Variants in ACBD5 observed in about 807,000 individuals in gnomAD.
ACBD5 encodes the protein acyl-CoA-binding domain-containing protein 5.
In ACBD5, 40 loss-of-function variants were observed where a neutral mutation model predicts 71.8. The observed-to-expected ratio is 0.56, with a 90% CI of 0.43 to 0.72. The LOEUF (loss-of-function observed/expected upper bound fraction) is 0.72, where lower values mean the gene tolerates loss of function less well. Among genes scored for constraint, ACBD5 ranks in the 30% least tolerant of loss-of-function variants. The pLI is 0.00. For synonymous variants in ACBD5, 229 were observed against 218.6 expected (o/e 1.05, Z -0.42); for missense variants, 559 against 644.5 (o/e 0.87, Z 1.44).
intron 4 of ACBD5, among the ~76,000 whole-genome samples, chr10:27,230,955 C>T (rs1339500456): frequency 6.6e-6 from 1 of 152,134 alleles, no homozygotes; most frequent in African/African-American, 2.4e-5. Flanking sequence ...ACTTCCTTAT[C>T]TTATTCTGCT....
intron 10 of ACBD5, 145 bp from the exon 11 acceptor site, chr10:27,205,393 G>A (rs1317234155): frequency 4.0e-6 from 3 of 746,652 alleles, no homozygotes; most frequent in South Asian, 1.5e-5. Context: ...CAGTTGGAAC[G>A]TAGAAATATT....
intron 7 of ACBD5, among the ~76,000 whole-genome samples, chr10:27,216,341 A>G (rs1262369212): frequency 1.3e-5 from 2 of 152,146 alleles, no homozygotes; most frequent in African/African-American, 4.8e-5. Flanking sequence ...GGGTTTCACC[A>G]TGTTGGCCAG....
chr10:27,234,749 T>C (rs921708079), intron 3 of ACBD5, among the ~76,000 whole-genome samples: 11 of 152,200 alleles, frequency 7.2e-5, no homozygotes, highest in Non-Finnish European at 1.2e-4. Flanking sequence ...GTGGCCAACA[T>C]AGTGAAACCC....
At position 27,223,364 on chromosome 10, in the gene ACBD5, C is replaced by T. The variant is rs150601599; in HGVS notation, c.464G>A (p.Ser155Asn). ...TGAGGTTATATCAGAACTCCTGCCA[C>T]TCTTTTTGTCCTCGACAATTTCATA... The part of the protein sequence containing the change: ...PFYEIVEDKK[S>N]GRSSDITSDL... Residue 155 changes from serine to asparagine, a missense_variant, in exon 5 of 13, where the codon AGT becomes AAT. Coordinates refer to ENST00000396271, the MANE Select transcript of ACBD5 (RefSeq NM_145698.5). 8.1e-6 allele frequency: 13 copies of T among 1,613,768 alleles called. No individual in the cohort carries two copies. The highest frequency in any genetic ancestry group is 8.5e-7 in the Non-Finnish European group (1 of 1,179,932).
rs764383930 is a variant in ACBD5 at position 27,195,842 on chromosome 10, C to A, written c.*1588G>T. 30 of 445,892 alleles carry A rather than the reference C, an allele frequency of 6.7e-5. No homozygotes were observed. Among genetic ancestry groups the A allele is most frequent in the South Asian group, 4.3e-4 (27 of 62,458 alleles). 27.6% of individuals were successfully genotyped at this position (445,892 alleles called of 1,614,324 possible). ...TCTGTATACTAAAGACAGATTATTT[C>A]TTATTTAAAACACTGTGAACATATG... On this transcript the variant is annotated 3_prime_UTR_variant, in exon 13 of 13. Coordinates refer to ENST00000396271, the MANE Select transcript of ACBD5 (RefSeq NM_145698.5).
chr10:27,238,587 G>T (rs564776639), intron 2 of ACBD5, among the ~76,000 whole-genome samples: 21 of 151,802 alleles, frequency 1.4e-4, no homozygotes, highest in African/African-American at 4.8e-4. Flanking sequence ...TTATCTTTCA[G>T]TCCCCCATAT....
intron 4 of ACBD5, among the ~76,000 whole-genome samples, chr10:27,230,864 C>G (rs1029921045): frequency 1.3e-5 from 2 of 151,468 alleles, no homozygotes; most frequent in Admixed American, 6.6e-5. Flanking sequence ...ACTTGCTCCT[C>G]AAAAGAATGC....
At position 27,240,662 on chromosome 10, in the gene ACBD5, A is replaced by G; in HGVS notation, c.15+12T>C. On this transcript the variant is annotated intron_variant, in intron 1 of 12. Coordinates refer to ENST00000396271, the MANE Select transcript of ACBD5 (RefSeq NM_145698.5). This position sits in a 1 kb window ranked among gnomAD's most constrained non-coding sequence, Gnocchi z 4.1. ...CACGAATCCGGCCCGCGACGACAGC[A>G]AAACAACTCACCGAGAGGAAGAGCA... 1 of 1,550,916 alleles carries G rather than the reference A, an allele frequency of 6.4e-7. No homozygotes were observed. The highest frequency in any genetic ancestry group is 8.7e-7 in the Non-Finnish European group (1 of 1,146,940).
At chr10:27,194,630 T>G (rs1459316823), downstream of ACBD5, among the ~76,000 whole-genome samples, 72 of 143,892 alleles carry the variant, frequency 5.0e-4, no homozygotes, top group African/African-American at 1.7e-3. Flanking sequence ...ATAATAATAA[T>G]AATAATAATA....
intron 9 of ACBD5, among the ~76,000 whole-genome samples, chr10:27,209,346 T>C (rs1453482797): frequency 6.6e-6 from 1 of 150,574 alleles, no homozygotes; most frequent in Non-Finnish European, 1.5e-5. Flanking sequence ...GTCTGTTTGT[T>C]TGTTTCTGAG....
chr10:27,228,653 C>A (rs1258119337), intron 4 of ACBD5, among the ~76,000 whole-genome samples: 6 of 151,394 alleles, frequency 4.0e-5, no homozygotes, highest in Non-Finnish European at 7.4e-5. Context: ...CCTCAAACCA[C>A]ATTACTTTCC....
chr10:27,226,678 G>A (rs1044778157), intron 4 of ACBD5, among the ~76,000 whole-genome samples: 2 of 149,064 alleles, frequency 1.3e-5, no homozygotes, highest in Non-Finnish European at 3.0e-5. Flanking sequence ...TTGCGACAGC[G>A]TCTCACTCTG....
Position 27,186,478 on chromosome 10 carries a change from C to G in ACBD5, c.1494-3763G>C, listed in dbSNP as rs2058757703. ...CAGCCAGATGATGAAACAGATACCT[C>G]CTATTTTGAAGCCAGGAATACTGCT... On this transcript the variant is annotated intron_variant, in intron 13 of 13. Coordinates refer to the ACBD5 transcript ENST00000676511. 5.6e-6 allele frequency: 9 copies of G among 1,614,126 alleles called. No individual in the cohort carries two copies. The East Asian group carries it at 2.0e-4, about 36-fold the overall frequency.
intron 4 of ACBD5, among the ~76,000 whole-genome samples, chr10:27,228,012 C>G (rs1275367710): frequency 6.6e-6 from 1 of 151,916 alleles, no homozygotes; most frequent in Non-Finnish European, 1.5e-5. Context: ...CGCGCCCGGC[C>G]GAGATTCCAT....
chr10:27,208,313 CTCA>C lies in ACBD5; in HGVS notation c.1334_1336del (p.Met445del). 1 of 1,614,198 alleles carries C rather than the reference CTCA, an allele frequency of 6.2e-7. No individual in the cohort carries two copies. Among genetic ancestry groups the C allele is most frequent in the Non-Finnish European group, 8.5e-7 (1 of 1,180,038 alleles). ...GACATTCTGCATGTCCTCCTGCAGT[CTCA>C]TCAGCACGAGGGCGATCTGCTCATT... is the stretch of plus-strand genomic sequence containing the variant. On this transcript the variant is annotated inframe_deletion, in exon 10 of 13. Coordinates refer to ENST00000396271, the MANE Select transcript of ACBD5 (RefSeq NM_145698.5).
At chr10:27,241,659 G>C (rs2065507960), upstream of ACBD5, among the ~76,000 whole-genome samples, 1 of 93,714 alleles carries the variant, frequency 1.1e-5, no homozygotes, top group South Asian at 3.5e-4. Flanking sequence ...CTTGAGGCCA[G>C]GAGTTCAAGA....
Position 27,208,227 on chromosome 10 carries a change from G to GAT in ACBD5, c.1404+17_1404+18dup. The GAT allele has an allele frequency of 6.2e-7, 1 of 1,612,438 alleles. No individual in the cohort carries two copies. Among genetic ancestry groups the GAT allele is most frequent in the South Asian group, 1.1e-5 (1 of 91,036 alleles). On this transcript the variant is annotated intron_variant, in intron 10 of 12. Coordinates refer to ENST00000396271, the MANE Select transcript of ACBD5 (RefSeq NM_145698.5). ...AGAATCAATAAGCACAAGAAGGTATGATACATTTGGAAGTTTACCTGCAAA... is the reference window on the plus strand; with the variant it reads ...AGAATCAATAAGCACAAGAAGGTATGATATACATTTGGAAGTTTACCTGCAAA...
At chr10:27,207,964 A>C (rs894931343) in intron 10 of ACBD5, among the ~76,000 whole-genome samples, 10 of 152,060 alleles carry the variant, frequency 6.6e-5, no homozygotes, top group Non-Finnish European at 1.2e-4. Context: ...CAAACTCCTG[A>C]ACTCAGGTGA....
At chr10:27,241,722 A>C (rs1037757221), upstream of ACBD5, among the ~76,000 whole-genome samples, 2 of 103,570 alleles carry the variant, frequency 1.9e-5, no homozygotes, top group Non-Finnish European at 4.9e-5. Flanking sequence ...CCAATAATTA[A>C]AAAAAAAAAT....
Sources: allele counts gnomAD v4.1 joint callset (sites outside exome capture counted in the v4.1 genomes callset), GRCh38; gene constraint gnomAD v4.1.1; non-coding constraint Gnocchi (gnomAD v3.1); transcripts MANE v1.5; gene names NCBI Gene and HGNC (gene_info 2026-07-23, HGNC 2026-07-21).